Variants in ASAH2 observed in about 807,000 individuals in gnomAD.
ASAH2 encodes the protein N-acylsphingosine amidohydrolase 2.
A neutral mutation model predicts 82.9 loss-of-function variants in ASAH2; 58 were observed. The observed-to-expected ratio is 0.70, with a 90% CI of 0.57 to 0.87. The LOEUF (loss-of-function observed/expected upper bound fraction) is 0.87. Among genes scored for constraint, ASAH2 ranks in the 40% least tolerant of loss-of-function variants. The probability of loss-of-function intolerance (pLI) is 0.00; values close to 1 mark genes in which losing one functional copy is unlikely to be tolerated. For synonymous variants in ASAH2, 276 were observed against 289.7 expected (o/e 0.95, Z 0.48); for missense variants, 779 against 834.0 (o/e 0.93, Z 0.81).
intron 7 of ASAH2, among the ~76,000 whole-genome samples, chr10:50,219,802 G>C (rs1237201891): frequency 6.6e-6 from 1 of 152,178 alleles, no homozygotes; most frequent in African/African-American, 2.4e-5. Flanking sequence ...GCTCTACGCA[G>C]GCAACACAAA....
intron 4 of ASAH2, chr10:50,240,607 A>T: frequency 1.4e-6 from 1 of 702,152 alleles, no homozygotes; most frequent in Non-Finnish European, 2.6e-6. Context: ...TATGATAAAC[A>T]TATCTTCCAG....
At chr10:50,221,359 A>C (rs1212243836) in intron 7 of ASAH2, among the ~76,000 whole-genome samples, 4 of 152,334 alleles carry the variant, frequency 2.6e-5, no homozygotes, top group African/African-American at 9.6e-5. Flanking sequence ...TGATACCATC[A>C]CACTGAGGTC....
intron 12 of ASAH2, among the ~76,000 whole-genome samples, chr10:50,209,671 G>A (rs1340325313): frequency 6.6e-6 from 1 of 151,924 alleles, no homozygotes; most frequent in African/African-American, 2.4e-5. Context: ...AATACACAAA[G>A]AACATTTATA....
chr10:50,244,463 A>T (rs573685433), intron 3 of ASAH2, among the ~76,000 whole-genome samples: 1 of 152,286 alleles, frequency 6.6e-6, no homozygotes, highest in South Asian at 2.1e-4. Flanking sequence ...CACTTTTCAG[A>T]ACACACAGTC....
intron 18 of ASAH2, among the ~76,000 whole-genome samples, chr10:50,195,765 C>T (rs1389865455): frequency 6.6e-6 from 1 of 151,726 alleles, no homozygotes; most frequent in African/African-American, 2.4e-5. Context: ...ACCTGGAGAA[C>T]ATTAGATTCA....
At position 50,211,216 on chromosome 10, in the gene ASAH2, A is replaced by T. The variant is rs1398774271; in HGVS notation, c.1228-82T>A. 4.6e-6 allele frequency: 5 copies of T among 1,084,210 alleles called. No homozygotes were observed. In the African/African-American group the frequency reaches 7.7e-5, roughly 17 times the overall value. 67.2% of individuals were successfully genotyped at this position (1,084,210 alleles called of 1,614,324 possible). On this transcript the variant is annotated intron_variant, in intron 10 of 20. Transcript: ENST00000682911. ...ACTGTACTCAGGAAGTACCAATTTG[A>T]TGCAATTTGGAAATGCATCTCTCAG...
chr10:50,233,873 C>G, intron 6 of ASAH2, among the ~76,000 whole-genome samples: 1 of 152,014 alleles, frequency 6.6e-6, no homozygotes, highest in Non-Finnish European at 1.5e-5. Context: ...TAATCCTCTC[C>G]CTTAGTTTTT....
intron 16 of ASAH2, 58 bp downstream of exon 16, chr10:50,202,771 A>T (rs1044485669): frequency 2.6e-5 from 31 of 1,170,436 alleles, no homozygotes; most frequent in Non-Finnish European, 4.0e-5. Context: ...TCTGCATTTG[A>T]CACAATAGTC....
intron 8 of ASAH2, among the ~76,000 whole-genome samples, chr10:50,217,367 A>G (rs1045713592): frequency 2.0e-5 from 3 of 151,792 alleles, no homozygotes; most frequent in Non-Finnish European, 4.4e-5. Flanking sequence ...AGCTGGGACT[A>G]TAGGCACACA....
At chr10:50,198,985 C>T in intron 17 of ASAH2, 66 bp downstream of exon 17, 8 of 1,526,304 alleles carry the variant, frequency 5.2e-6, no homozygotes, top group Non-Finnish European at 6.3e-6. Context: ...CAGACACATA[C>T]AGACATACAC....
chr10:50,245,198 T>C (rs1846414623), intron 3 of ASAH2, 24 bp downstream of exon 3: 9 of 1,558,812 alleles, frequency 5.8e-6, no homozygotes, highest in Non-Finnish European at 8.0e-6. Context: ...CACAGTCTCC[T>C]TAAGGAGCCC....
intron 8 of ASAH2, among the ~76,000 whole-genome samples, chr10:50,215,620 T>A (rs1169121764): frequency 6.6e-6 from 1 of 152,056 alleles, no homozygotes; most frequent in Non-Finnish European, 1.5e-5. Flanking sequence ...AGATCTGTGG[T>A]GTTATTTCTG....
intron 1 of ASAH2, among the ~76,000 whole-genome samples, chr10:50,250,378 C>A (rs1030268270): frequency 6.6e-6 from 1 of 152,160 alleles, no homozygotes; most frequent in Non-Finnish European, 1.5e-5. Context: ...TATTGGGAAG[C>A]TTTCCTCATC....
chr10:50,216,993 G>T (rs1845617108), intron 8 of ASAH2, among the ~76,000 whole-genome samples: 1 of 152,144 alleles, frequency 6.6e-6, no homozygotes, highest in Non-Finnish European at 1.5e-5. Context: ...GTTGAAATTT[G>T]ATCTCCATTG....
intron 4 of ASAH2, among the ~76,000 whole-genome samples, chr10:50,238,780 G>T (rs1318979484): frequency 6.6e-6 from 1 of 152,052 alleles, no homozygotes; most frequent in Admixed American, 6.6e-5. Flanking sequence ...GTCTACTCAA[G>T]AATCAAGCCC....
At chr10:50,200,997 T>C (rs1845134718) in intron 16 of ASAH2, among the ~76,000 whole-genome samples, 1 of 151,302 alleles carries the variant, frequency 6.6e-6, no homozygotes. Flanking sequence ...AACCCCCAGC[T>C]CCACAAGCAG....
intron 18 of ASAH2, among the ~76,000 whole-genome samples, chr10:50,193,350 A>T (rs1372790524): frequency 6.6e-6 from 1 of 151,478 alleles, no homozygotes; most frequent in Non-Finnish European, 1.5e-5. Flanking sequence ...AGTTGAGGAT[A>T]TGGAGCTGGG....
chr10:50,205,969 G>A lies in ASAH2; in HGVS notation c.1530+13C>T, dbSNP rs1845283067. The A allele has an allele frequency of 3.8e-6, 6 of 1,583,914 alleles. No homozygotes were observed. Among genetic ancestry groups the A allele is most frequent in the African/African-American group, 1.3e-5 (1 of 74,230 alleles). Reference sequence around the variant, plus strand: ...AATATGCTAATTTCACTATGATAACGAAAATGCATTACTTCTCCGGTGTGA... The same window carrying A: ...AATATGCTAATTTCACTATGATAACAAAAATGCATTACTTCTCCGGTGTGA... On this transcript the variant is annotated intron_variant, in intron 13 of 20. Transcript: ENST00000682911.
At chr10:50,230,139 T>C (rs1845986590) in intron 7 of ASAH2, among the ~76,000 whole-genome samples, 1 of 152,164 alleles carries the variant, frequency 6.6e-6, no homozygotes, top group Non-Finnish European at 1.5e-5. Flanking sequence ...GGCCAGGGAA[T>C]ACATCATTCC....
Sources: allele counts gnomAD v4.1 joint callset (sites outside exome capture counted in the v4.1 genomes callset), GRCh38; gene constraint gnomAD v4.1.1; transcripts MANE v1.5; gene names NCBI Gene and HGNC (gene_info 2026-07-23, HGNC 2026-07-21).